The following ECT2 variants were observed in gnomAD, a reference collection of about 807,000 sequenced individuals.
ECT2 encodes the protein epithelial cell transforming 2.
A neutral mutation model predicts 116.9 loss-of-function variants in ECT2; 61 were observed. The observed-to-expected ratio is 0.52, with a 90% CI of 0.42 to 0.65. The LOEUF is 0.65. Among genes scored for constraint, ECT2 ranks in the 30% least tolerant of loss-of-function variants. The pLI is 0.00. For synonymous variants in ECT2, 358 were observed against 346.4 expected (o/e 1.03, Z -0.37); for missense variants, 937 against 1,078.7 (o/e 0.87, Z 1.84).
chr3:172,796,618 C>T (rs541596919), intron 18 of ECT2: 16 of 152,198 alleles, frequency 1.1e-4, no homozygotes, highest in Non-Finnish European at 2.1e-4. Context: ...TTAATTTCCT[C>T]AATTCAGGTT....
At chr3:172,818,802 C>T (rs1232921685) in intron 24 of ECT2, 9 of 1,233,372 alleles carry the variant, frequency 7.3e-6, no homozygotes, top group Admixed American at 2.8e-5. Context: ...AAACAAGCCT[C>T]ATGAAGTTTA....
At chr3:172,775,303 A>G (rs1423591705) in intron 14 of ECT2, among the ~76,000 whole-genome samples, 5 of 152,352 alleles carry the variant, frequency 3.3e-5, no homozygotes, top group African/African-American at 1.2e-4. Context: ...TTTCAAATAT[A>G]TAAGATTGTT....
chr3:172,816,336 T>A (rs1001411799), intron 23 of ECT2, among the ~76,000 whole-genome samples: 1 of 152,128 alleles, frequency 6.6e-6, no homozygotes, highest in Non-Finnish European at 1.5e-5. Context: ...AAAAACATGT[T>A]AGATTATTAT....
chr3:172,815,020 G>C (rs897176477), intron 22 of ECT2, among the ~76,000 whole-genome samples: 1 of 152,178 alleles, frequency 6.6e-6, no homozygotes, highest in African/African-American at 2.4e-5. Flanking sequence ...CAGTAGACTT[G>C]TGGTTATATG....
In ECT2 at chr3:172,820,318, A is replaced by C; in HGVS notation, c.*81A>C. 2 of 937,474 alleles carry C rather than the reference A, an allele frequency of 2.1e-6. No individual in the cohort carries two copies. The highest frequency in any genetic ancestry group is 1.5e-6 in the Non-Finnish European group (1 of 647,252). The allele number at this position is 937,474 out of a possible 1,614,324, so 58.1% of individuals were successfully genotyped here. On this transcript the variant is annotated 3_prime_UTR_variant, in exon 25 of 25. Coordinates refer to ENST00000392692, the MANE Select transcript of ECT2 (RefSeq NM_001258315.2). ...GAAACTGACTTAAATGGTACTTGTA[A>C]TTAGCACTTGGTGAAAGCTGGAAGG... is the stretch of plus-strand genomic sequence containing the variant.
intron 22 of ECT2, among the ~76,000 whole-genome samples, chr3:172,812,380 TA>T (rs1490814301): frequency 6.6e-6 from 1 of 152,238 alleles, no homozygotes; most frequent in Admixed American, 6.5e-5. Context: ...AGCTGTTTTG[TA>T]AATAGGTGAC....
the ECT2 span, among the ~76,000 whole-genome samples, chr3:172,827,252 A>G: frequency 1.3e-5 from 2 of 152,208 alleles, no homozygotes; most frequent in East Asian, 1.9e-4. Flanking sequence ...TGGAACTATC[A>G]TATGATCCAG....
chr3:172,792,739 G>T (rs773364078), intron 18 of ECT2, among the ~76,000 whole-genome samples: 22 of 152,014 alleles, frequency 1.4e-4, no homozygotes, highest in Non-Finnish European at 1.6e-4. Flanking sequence ...GGTGGAGGGG[G>T]TGGTATCTTA....
At chr3:172,767,224 C>CGAGTTGTG (rs1356539291) in intron 12 of ECT2, among the ~76,000 whole-genome samples, 1 of 152,124 alleles carries the variant, frequency 6.6e-6, no homozygotes, top group Non-Finnish European at 1.5e-5. Context: ...GGGCAGATCA[C>CGAGTTGTG]GAGTTCAGGA....
At chr3:172,767,822 C>G (rs934206408) in intron 12 of ECT2, among the ~76,000 whole-genome samples, 2 of 151,682 alleles carry the variant, frequency 1.3e-5, no homozygotes, top group Non-Finnish European at 2.9e-5. Flanking sequence ...ACCTCCACCT[C>G]CTGGGTTCAA....
At chr3:172,789,851 T>G (rs1001884166) in intron 18 of ECT2, among the ~76,000 whole-genome samples, 1 of 152,214 alleles carries the variant, frequency 6.6e-6, no homozygotes, top group Admixed American at 6.5e-5. Flanking sequence ...AGTCTCCACT[T>G]CTAATTGTAG....
At chr3:172,774,498 CT>C (rs112860910) in intron 14 of ECT2, among the ~76,000 whole-genome samples, 9,284 of 150,762 alleles carry the variant, frequency 0.062, 969 homozygotes, top group African/African-American at 0.21. Context: ...CATGCCCTGC[CT>C]TTTTTTTTCG....
Position 172,807,752 on chromosome 3 carries a change from G to C in ECT2, c.2246-18G>C. On this transcript the variant is annotated intron_variant, in intron 21 of 24. Transcript: ENST00000392692. ...CAAGGAGTGACACTTAATGTTTATG[G>C]TTATTCTGGAACCCTAGATTGCCAT... is the stretch of plus-strand genomic sequence containing the variant. The C allele has an allele frequency of 6.2e-7, 1 of 1,603,692 alleles. No homozygotes were observed. Among genetic ancestry groups the C allele is most frequent in the South Asian group, 1.1e-5 (1 of 89,684 alleles).
At chr3:172,810,626 C>T (rs1321301368) in intron 22 of ECT2, among the ~76,000 whole-genome samples, 3 of 151,988 alleles carry the variant, frequency 2.0e-5, no homozygotes, top group Admixed American at 6.6e-5. Flanking sequence ...CACTGAGGCA[C>T]AGGCTAAAGG....
intron 18 of ECT2, among the ~76,000 whole-genome samples, chr3:172,790,716 A>T (rs958256305): frequency 1.3e-5 from 2 of 152,218 alleles, no homozygotes; most frequent in African/African-American, 4.8e-5. Flanking sequence ...GCAGAATTGG[A>T]TGTTGAGCTA....
chr3:172,757,257 A>G (rs1012342590), intron 5 of ECT2, 92 bp downstream of exon 5: 1 of 966,506 alleles, frequency 1.0e-6, no homozygotes, highest in Non-Finnish European at 1.5e-6. Context: ...AATCTCATTG[A>G]TTGCTGAGAG....
At chr3:172,827,033 A>G in the ECT2 span, among the ~76,000 whole-genome samples, 1 of 152,394 alleles carries the variant, frequency 6.6e-6, no homozygotes, top group South Asian at 2.1e-4. Flanking sequence ...ACATATATGA[A>G]TAAATGCTCA....
chr3:172,808,375 CA>C (rs201401594), intron 22 of ECT2, among the ~76,000 whole-genome samples: 338 of 88,830 alleles, frequency 3.8e-3, no homozygotes, highest in Middle Eastern at 0.014. Context: ...CGTGCCTGGC[CA>C]AAAAAAAAAA....
intron 20 of ECT2, among the ~76,000 whole-genome samples, chr3:172,803,602 G>A (rs1344214250): frequency 6.6e-6 from 1 of 152,078 alleles, no homozygotes; most frequent in Admixed American, 6.6e-5. Context: ...AGTAGTGAGG[G>A]ATAAAAAGAA....
Sources: allele counts gnomAD v4.1 joint callset (sites outside exome capture counted in the v4.1 genomes callset), GRCh38; gene constraint gnomAD v4.1.1; transcripts MANE v1.5; gene names NCBI Gene and HGNC (gene_info 2026-07-23, HGNC 2026-07-21).